Variants in NKAPD1 observed in about 807,000 individuals in gnomAD.
The protein encoded by NKAPD1 is uncharacterized protein NKAPD1.
A neutral mutation model predicts 30.9 loss-of-function variants in NKAPD1; 12 were observed. The observed-to-expected ratio is 0.39, with a 90% confidence interval of 0.25 to 0.63. The LOEUF is 0.63. NKAPD1 is among the 20% of genes least tolerant of loss of function. The pLI, the probability that NKAPD1 is intolerant of heterozygous loss-of-function variation, is 0.51. For missense variants in NKAPD1, 311 were observed against 344.5 expected (o/e 0.90, Z 0.77); for synonymous variants, 91 against 113.6 (o/e 0.80, Z 1.26).
At position 112,083,058 on chromosome 11, in the gene NKAPD1, C is replaced by G. The variant is rs77521375; in HGVS notation, c.*86C>G. 1 of 1,431,254 alleles carries G rather than the reference C, an allele frequency of 7.0e-7. No individual in the cohort carries two copies. Among genetic ancestry groups the G allele is most frequent in the African/African-American group, 1.4e-5 (1 of 69,858 alleles). 88.7% of individuals were successfully genotyped at this position (1,431,254 alleles called of 1,614,324 possible). On this transcript the variant is annotated 3_prime_UTR_variant, in exon 6 of 6. Transcript: ENST00000393047. The stretch of plus-strand genomic sequence containing the variant: ...TTTTGCCAGTGACTCTTGTTCAGCA[C>G]GGGGCCTGAGGTCAGAGCTGTCTTG...
At chr11:112,076,473 G>A (rs929734753) in intron 2 of NKAPD1, among the ~76,000 whole-genome samples, 1 of 152,050 alleles carries the variant, frequency 6.6e-6, no homozygotes, top group African/African-American at 2.4e-5. Flanking sequence ...GGGGCTAGGG[G>A]CATCAACCCC....
chr11:112,074,700 C>T lies in NKAPD1; in HGVS notation c.-225C>T, dbSNP rs1011296013. The stretch of plus-strand genomic sequence containing the variant: ...GGCCTCAGTCCGGGAGAGAGATCTG[C>T]CTGTCGGTCTGGGCTGGGGGAAACG... On this transcript the variant is annotated 5_prime_UTR_variant, in exon 1 of 6. Coordinates refer to ENST00000393047, the MANE Select transcript of NKAPD1 (RefSeq NM_018195.4). The T allele has an allele frequency of 2.6e-6, 1 of 390,152 alleles. No homozygotes were observed. The highest frequency in any genetic ancestry group is 2.1e-5 in the African/African-American group (1 of 48,438). 24.2% of individuals were successfully genotyped at this position (390,152 alleles called of 1,614,324 possible). A position where few individuals can be genotyped will look rare whatever the true frequency, so the allele number is the denominator to read the frequency against.
Position 112,082,983 on chromosome 11 carries a change from CT to C in NKAPD1, c.*15del. ...TCAGAGGATGACTAAATGGGAAACA[CT>C]TTTGTTTTCCACATGACTGTGGATA... is the stretch of plus-strand genomic sequence containing the variant. On this transcript the variant is annotated 3_prime_UTR_variant, in exon 6 of 6. Coordinates refer to ENST00000393047, the MANE Select transcript of NKAPD1 (RefSeq NM_018195.4). 1 of 1,577,694 alleles carries C rather than the reference CT, an allele frequency of 6.3e-7. No homozygotes were observed. Among genetic ancestry groups the C allele is most frequent in the Non-Finnish European group, 8.6e-7 (1 of 1,168,412 alleles).
At chr11:112,080,834 A>G in intron 4 of NKAPD1, 1 of 381,174 alleles carries the variant, frequency 2.6e-6, no homozygotes, top group Non-Finnish European at 4.8e-6. Context: ...ATGCTAAGTG[A>G]GAAGGAAGAA....
In NKAPD1 at chr11:112,075,660, AG is replaced by A; in HGVS notation, c.69+18del. 6.2e-7 allele frequency: 1 copy of A among 1,606,536 alleles called. No individual in the cohort carries two copies. Among genetic ancestry groups the A allele is most frequent in the Admixed American group, 1.7e-5 (1 of 58,030 alleles). ...CACAATAAGGTGGGAGGTACAACCT[AG>A]TTACTCCTCAACGCTTACTGAAGGC... On this transcript the variant is annotated intron_variant, in intron 2 of 5. Transcript: ENST00000393047.
Position 112,081,965 on chromosome 11 carries a change from G to C in NKAPD1, c.321-17G>C, listed in dbSNP as rs776245732. On this transcript the variant is annotated splice_polypyrimidine_tract_variant and intron_variant, in intron 4 of 5. Transcript: ENST00000393047. ...TATGCATTGCTTTAACAATACATGT[G>C]ATGTGTCATATTACAGATGGGGTCA... 1.2e-6 allele frequency: 2 copies of C among 1,608,058 alleles called. No individual in the cohort carries two copies. The highest frequency in any genetic ancestry group is 3.3e-5 in the Admixed American group (2 of 59,708).
At position 112,083,085 on chromosome 11, in the gene NKAPD1, G is replaced by A; in HGVS notation, c.*113G>A. 1 of 1,140,680 alleles carries A rather than the reference G, an allele frequency of 8.8e-7. No homozygotes were observed. Among genetic ancestry groups the A allele is most frequent in the East Asian group, 2.5e-5 (1 of 39,538 alleles). The allele number at this position is 1,140,680 out of a possible 1,614,324, so 70.7% of individuals were successfully genotyped here. A position where few individuals can be genotyped will look rare whatever the true frequency, so the allele number is the denominator to read the frequency against. On this transcript the variant is annotated 3_prime_UTR_variant, in exon 6 of 6. Coordinates refer to ENST00000393047, the MANE Select transcript of NKAPD1 (RefSeq NM_018195.4). ...GGGCCTGAGGTCAGAGCTGTCTTGT[G>A]CCATCTGTATGTTCTGACAGACGTC...
intron 2 of NKAPD1, among the ~76,000 whole-genome samples, chr11:112,077,710 A>G (rs1487664972): frequency 1.3e-5 from 2 of 152,218 alleles, no homozygotes; most frequent in Non-Finnish European, 2.9e-5. Flanking sequence ...GAAGATTTCC[A>G]CATATTTGAG....
chr11:112,075,757 G>A, intron 2 of NKAPD1, 114 bp downstream of exon 2: 1 of 1,065,114 alleles, frequency 9.4e-7, no homozygotes, highest in East Asian at 2.6e-5. Flanking sequence ...CTAGTTTTTG[G>A]AAGCTTCCGT....
chr11:112,079,140 A>AG lies in NKAPD1; in HGVS notation c.170+825_170+826insG, dbSNP rs1204439629. Among the ~76,000 whole-genome samples the AG allele has an allele frequency of 3.9e-3, 355 of 91,278 alleles. 3 individuals are homozygous for AG. The highest frequency in any genetic ancestry group is 3.5e-3 in the Non-Finnish European group (154 of 44,320). The allele number at this position is 91,278 out of a possible 152,430, so 59.9% of individuals were successfully genotyped here. ...TACCTGGTACATAGGAGGCCCTTACAATTTTTTTTTTTTTTTTTTTTTGAG... is the reference window on the plus strand; with the variant it reads ...TACCTGGTACATAGGAGGCCCTTACAGATTTTTTTTTTTTTTTTTTTTTGAG... On this transcript the variant is annotated intron_variant, in intron 3 of 5. Coordinates refer to ENST00000393047, the MANE Select transcript of NKAPD1 (RefSeq NM_018195.4).
intron 3 of NKAPD1, among the ~76,000 whole-genome samples, chr11:112,079,596 T>C (rs1865402002): frequency 2.0e-5 from 3 of 152,192 alleles, no homozygotes; most frequent in Admixed American, 2.0e-4. Context: ...GACCTCTCTA[T>C]AGTAAGTTGC....
At chr11:112,076,685 G>T (rs373129927) in intron 2 of NKAPD1, among the ~76,000 whole-genome samples, 4 of 152,280 alleles carry the variant, frequency 2.6e-5, no homozygotes, top group South Asian at 4.1e-4. Context: ...CATTGAGTAG[G>T]CTGAGGAGGA....
chr11:112,074,418 A>G lies in NKAPD1; in HGVS notation c.-507A>G, dbSNP rs1161121304. The G allele has an allele frequency of 7.5e-6, 3 of 398,988 alleles. No individual in the cohort carries two copies. The highest frequency in any genetic ancestry group is 1.3e-5 in the Non-Finnish European group (3 of 226,186). 24.7% of individuals were successfully genotyped at this position (398,988 alleles called of 1,614,324 possible). ...GGCGTTTGGAGGGAAGGTTACCGGG[A>G]GCTCCGAGGCCGCTGGGGAACAGGG... On this transcript the variant is annotated 5_prime_UTR_variant, in exon 1 of 6. Coordinates refer to ENST00000393047, the MANE Select transcript of NKAPD1 (RefSeq NM_018195.4).
At chr11:112,080,384 A>C in intron 3 of NKAPD1, 25 bp from the exon 4 acceptor site, 4 of 1,611,140 alleles carry the variant, frequency 2.5e-6, no homozygotes, top group Non-Finnish European at 3.4e-6. Context: ...TTTACATCTA[A>C]AAGTTCTTCT....
intron 1 of NKAPD1, 64 bp from the exon 2 acceptor site, chr11:112,075,503 C>A (rs1865305031): frequency 1.6e-6 from 2 of 1,276,650 alleles, no homozygotes; most frequent in Non-Finnish European, 2.2e-6. Flanking sequence ...CTTTATAAAA[C>A]TTCAAGAAAA....
intron 2 of NKAPD1, among the ~76,000 whole-genome samples, chr11:112,077,239 T>C (rs1566669986): frequency 6.6e-6 from 1 of 152,246 alleles, no homozygotes; most frequent in East Asian, 1.9e-4. Context: ...CCTAGTTATA[T>C]AGTAAGCTTA....
In NKAPD1 at chr11:112,082,877, G is replaced by C; in HGVS notation, c.787G>C (p.Val263Leu). 6.2e-7 allele frequency: 1 copy of C among 1,613,582 alleles called. No individual in the cohort carries two copies. Residue 263 changes from valine (V) to leucine (L), a missense_variant, in exon 6 of 6, where the codon GTA becomes CTA. Coordinates refer to ENST00000393047, the MANE Select transcript of NKAPD1 (RefSeq NM_018195.4). The part of the protein sequence containing the change: ...KKREKKAHTS[V>L]ANNEIQERTN... ...GAGAGAGAAAAAAGCCCATACCTCT[G>C]TAGCCAACAATGAAATACAGGAGAG... is the stretch of plus-strand genomic sequence containing the variant.
rs140364026 is a variant in NKAPD1, at chr11:112,085,147, T to C, written c.*2175T>C. On this transcript the variant is annotated 3_prime_UTR_variant, in exon 6 of 6. Transcript: ENST00000393047. ...TTCCAAATAAATAAATTTCACTCTT[T>C]GAACATTTCATCTTTTACTTTTTAG... The C allele has an allele frequency of 3.7e-6, 2 of 541,666 alleles. No individual in the cohort carries two copies. Among genetic ancestry groups the C allele is most frequent in the Non-Finnish European group, 6.1e-6 (2 of 329,468 alleles). The allele number at this position is 541,666 out of a possible 1,614,324, so 33.6% of individuals were successfully genotyped here.
chr11:112,075,343 G>C (rs1401145079), intron 1 of NKAPD1, among the ~76,000 whole-genome samples: 2 of 152,150 alleles, frequency 1.3e-5, no homozygotes. Flanking sequence ...ATGTAGTCTT[G>C]TGCATTTTCA....
Sources: allele counts gnomAD v4.1 joint callset (sites outside exome capture counted in the v4.1 genomes callset), GRCh38; gene constraint gnomAD v4.1.1; transcripts MANE v1.5; gene names NCBI Gene and HGNC (gene_info 2026-07-23, HGNC 2026-07-21).